Variants in CNTN5 observed in about 807,000 individuals in gnomAD.
The protein encoded by CNTN5 is contactin 5, also known as contactin-5.
In CNTN5, 77 loss-of-function variants were observed where a neutral mutation model predicts 129.1. The ratio of observed to expected loss-of-function variants is 0.60; its 90% CI spans 0.50 to 0.72. The LOEUF (loss-of-function observed/expected upper bound fraction) is 0.72, where lower values mean the gene tolerates loss of function less well. Among genes scored for constraint, CNTN5 ranks in the 30% least tolerant of loss-of-function variants. The probability of loss-of-function intolerance (pLI) is 0.00; values close to 1 mark genes in which losing one functional copy is unlikely to be tolerated. For missense variants in CNTN5, 1,478 were observed against 1,328.8 expected, an observed-to-expected ratio of 1.11 and a Z score of -1.75; for synonymous variants, 509 against 465.6, an observed-to-expected ratio of 1.09 and a Z score of -1.20.
intron 3 of CNTN5, among the ~76,000 whole-genome samples, chr11:99,731,253 G>A (rs906576895): frequency 3.1e-4 from 46 of 150,406 alleles, no homozygotes; most frequent in Non-Finnish European, 4.6e-4. Context: ...GACTACAGGC[G>A]CCCGCCACCA....
intron 1 of CNTN5, among the ~76,000 whole-genome samples, chr11:99,065,093 A>T (rs1167560296): frequency 1.3e-5 from 2 of 152,130 alleles, no homozygotes; most frequent in East Asian, 3.8e-4. Context: ...ACTGATTTTC[A>T]TAAAATAAAA....
chr11:99,751,041 C>G (rs897358321), intron 3 of CNTN5, among the ~76,000 whole-genome samples: 1 of 152,162 alleles, frequency 6.6e-6, no homozygotes, highest in African/African-American at 2.4e-5. Context: ...ATGTTCATCC[C>G]TCACGATTAT....
chr11:99,981,565 T>C (rs1015499452), intron 8 of CNTN5, among the ~76,000 whole-genome samples: 2 of 152,148 alleles, frequency 1.3e-5, no homozygotes, highest in African/African-American at 4.8e-5. Context: ...CCCAAAATAA[T>C]GCTTTACCAC....
chr11:100,256,136 G>A (rs538619196), intron 17 of CNTN5, among the ~76,000 whole-genome samples: 1 of 152,160 alleles, frequency 6.6e-6, no homozygotes, highest in South Asian at 2.1e-4. Flanking sequence ...TATCATGTTG[G>A]CTTATTTGTT....
chr11:99,270,381 A>C (rs1239273821), intron 1 of CNTN5, among the ~76,000 whole-genome samples: 1 of 151,878 alleles, frequency 6.6e-6, no homozygotes, highest in Non-Finnish European at 1.5e-5. Context: ...TATAATTCTA[A>C]AAATTCATGA....
At chr11:99,957,068 A>T in intron 8 of CNTN5, 59 bp downstream of exon 8, 1 of 1,409,496 alleles carries the variant, frequency 7.1e-7, no homozygotes, top group South Asian at 1.3e-5. Context: ...ATAAAGATGT[A>T]TTAGTGTGTG....
chr11:99,279,157 A>G (rs937074378), intron 1 of CNTN5, among the ~76,000 whole-genome samples: 1 of 151,762 alleles, frequency 6.6e-6, no homozygotes. Flanking sequence ...TTTCGGTTAT[A>G]TTTAATCTTT....
At chr11:100,068,004 AT>A (rs1943761894) in intron 10 of CNTN5, among the ~76,000 whole-genome samples, 1 of 152,078 alleles carries the variant, frequency 6.6e-6, no homozygotes, top group Non-Finnish European at 1.5e-5. Context: ...TTATTTAAAT[AT>A]TTTAACTGTT....
At chr11:100,097,641 ATAGAG>A (rs1218539110) in intron 13 of CNTN5, among the ~76,000 whole-genome samples, 1 of 152,114 alleles carries the variant, frequency 6.6e-6, no homozygotes, top group Non-Finnish European at 1.5e-5. Context: ...AAAAGGAAGA[ATAGAG>A]TATAGGGAAT....
chr11:99,962,806 A>T lies in CNTN5; in HGVS notation c.877+5797A>T, dbSNP rs191194894. Among the ~76,000 whole-genome samples, 718 of 151,842 alleles carry T rather than the reference A, an allele frequency of 4.7e-3. 8 individuals carry two copies. Among genetic ancestry groups the T allele is most frequent in the African/African-American group, 0.017 (685 of 41,268 alleles). On this transcript the variant is annotated intron_variant, in intron 8 of 24. Coordinates refer to ENST00000524871, the MANE Select transcript of CNTN5 (RefSeq NM_014361.4). ...AAAAGTGTTCCTATTTCTCCACATC[A>T]TCTGCAGCACCTGTTGTTTCCTGAC...
At chr11:99,726,168 G>A (rs949643264) in intron 3 of CNTN5, among the ~76,000 whole-genome samples, 3 of 152,104 alleles carry the variant, frequency 2.0e-5, no homozygotes, top group African/African-American at 7.2e-5. Context: ...CTACACTTAG[G>A]AGAACTGAAG....
intron 2 of CNTN5, among the ~76,000 whole-genome samples, chr11:99,396,103 T>A (rs917532165): frequency 6.6e-6 from 1 of 151,842 alleles, no homozygotes; most frequent in African/African-American, 2.4e-5. Context: ...TTAATAGGAA[T>A]GGCATTCAAT....
chr11:100,293,721 T>C (rs1002934788), intron 18 of CNTN5, among the ~76,000 whole-genome samples: 2 of 151,726 alleles, frequency 1.3e-5, no homozygotes, highest in Non-Finnish European at 2.9e-5. Flanking sequence ...CAAACCCAGA[T>C]CTTTCTTACT....
chr11:99,868,714 A>G (rs1948422090), intron 6 of CNTN5, among the ~76,000 whole-genome samples: 1 of 152,184 alleles, frequency 6.6e-6, no homozygotes, highest in Non-Finnish European at 1.5e-5. Context: ...AGTAAGGAAG[A>G]TTGACTGTTG....
chr11:99,440,393 G>T (rs1226743716), intron 2 of CNTN5, among the ~76,000 whole-genome samples: 2 of 144,668 alleles, frequency 1.4e-5, no homozygotes, highest in Admixed American at 1.4e-4. Flanking sequence ...TATTTGATTT[G>T]ACCTCCTATA....
At chr11:99,822,615 G>A (rs1209837313) in intron 4 of CNTN5, among the ~76,000 whole-genome samples, 1 of 152,150 alleles carries the variant, frequency 6.6e-6, no homozygotes, top group Non-Finnish European at 1.5e-5. Flanking sequence ...GCGGACAAAG[G>A]GAGAATGAGA....
At chr11:99,227,591 CTT>C (rs1265029415) in intron 1 of CNTN5, among the ~76,000 whole-genome samples, 1 of 152,046 alleles carries the variant, frequency 6.6e-6, no homozygotes, top group African/African-American at 2.4e-5. Context: ...TTTATATACT[CTT>C]TGTTTTAAAA....
chr11:99,357,770 A>G (rs1042501285), intron 2 of CNTN5, among the ~76,000 whole-genome samples: 1 of 151,890 alleles, frequency 6.6e-6, no homozygotes, highest in Admixed American at 6.6e-5. Context: ...AGGTATAGAA[A>G]ATTAGGTTAT....
intron 3 of CNTN5, among the ~76,000 whole-genome samples, chr11:99,796,214 G>T (rs1285537247): frequency 6.6e-6 from 1 of 152,182 alleles, no homozygotes; most frequent in Non-Finnish European, 1.5e-5. Flanking sequence ...TGGCAGTGCA[G>T]GGTTGGGGAC....
Sources: allele counts gnomAD v4.1 joint callset (sites outside exome capture counted in the v4.1 genomes callset), GRCh38; gene constraint gnomAD v4.1.1; transcripts MANE v1.5; gene names NCBI Gene and HGNC (gene_info 2026-07-23, HGNC 2026-07-21).